The following CSF1 variants were observed in gnomAD, a reference collection of about 807,000 sequenced individuals.
CSF1 encodes macrophage colony-stimulating factor 1.
Under a neutral mutation model 48.9 loss-of-function variants are expected in CSF1, and 9 were observed. The observed-to-expected ratio is 0.18, with a 90% CI of 0.11 to 0.32. CSF1 has a LOEUF of 0.32. Among genes scored for constraint, CSF1 ranks in the 10% least tolerant of loss-of-function variants. CSF1 has a pLI of 1.00. For synonymous variants in CSF1, 305 were observed against 284.1 expected, an observed-to-expected ratio of 1.07 and a Z score of -0.74; for missense variants, 672 against 697.9, an observed-to-expected ratio of 0.96 and a Z score of 0.42.
chr1:109,916,168 C>T (rs1164804736), intron 3 of CSF1, among the ~76,000 whole-genome samples: 1 of 152,144 alleles, frequency 6.6e-6, no homozygotes, highest in Non-Finnish European at 1.5e-5. Flanking sequence ...GGACTTGCCC[C>T]ACACCCAACC....
chr1:109,923,238 C>G lies in CSF1; in HGVS notation c.617C>G (p.Ser206Cys), dbSNP rs1647646543. ...CCTAGCAGTGACCCGGCCTCTGTCT[C>G]CCCTCATCAGCCCCTCGCCCCCTCC... is the stretch of plus-strand genomic sequence containing the variant. ...AIPSSDPASVSPHQPLAPSMA... is the reference protein window; with the variant it reads ...AIPSSDPASVCPHQPLAPSMA... The change falls in exon 6 of 9, where the codon TCC becomes TGC. Residue 206 changes from serine to cysteine, a missense_variant. Ser to Cys is a moderately radical substitution (Grantham distance 112). Transcript: ENST00000329608. The G allele has an allele frequency of 1.3e-6, 2 of 1,583,470 alleles. No individual in the cohort carries two copies. Among genetic ancestry groups the G allele is most frequent in the Non-Finnish European group, 1.7e-6 (2 of 1,165,446 alleles).
At chr1:109,925,293 GC>G (rs1217253565) in intron 8 of CSF1, 91 bp downstream of exon 8, 2 of 1,055,072 alleles carry the variant, frequency 1.9e-6, no homozygotes, top group Non-Finnish European at 1.5e-6. Flanking sequence ...TTCCCCTGAG[GC>G]CCCCACACTG....
Position 109,924,033 on chromosome 1 carries a change from T to G in CSF1, c.1412T>G (p.Phe471Cys), listed in dbSNP as rs1256518084. 1.2e-6 allele frequency: 2 copies of G among 1,614,206 alleles called. No homozygotes were observed. Among genetic ancestry groups the G allele is most frequent in the Admixed American group, 3.3e-5 (2 of 60,032 alleles). The change falls in exon 6 of 9, where the codon TTT (phenylalanine) becomes TGT (cysteine). Residue 471 changes from phenylalanine to cysteine, a missense_variant. Phe to Cys is a radical substitution (Grantham distance 205). Around this residue, in one of 3 missense-constraint regions of CSF1, gnomAD observed 591 missense variants for 593.6 expected, o/e 1.00. Transcript: ENST00000329608. ...GGGGCAGCCAGGCCCCTGCCCCGTTTTAACTCCGTTCCTTTGACTGACACA... is the reference window on the plus strand; with the variant it reads ...GGGGCAGCCAGGCCCCTGCCCCGTTGTAACTCCGTTCCTTTGACTGACACA... Reference protein sequence around the residue: ...SEGAARPLPRFNSVPLTDTGH... With the variant: ...SEGAARPLPRCNSVPLTDTGH...
intron 3 of CSF1, 85 bp from the exon 4 acceptor site, chr1:109,917,208 C>A (rs1647259970): frequency 6.9e-7 from 1 of 1,441,694 alleles, no homozygotes. Context: ...AGGGGGAGAG[C>A]AAGCTGCAAC....
intron 8 of CSF1, among the ~76,000 whole-genome samples, chr1:109,928,636 G>A (rs1647940734): frequency 1.3e-5 from 2 of 152,074 alleles, no homozygotes; most frequent in Non-Finnish European, 2.9e-5. Context: ...GGAGGAGGTA[G>A]GAGGTGAGGC....
intron 1 of CSF1, among the ~76,000 whole-genome samples, chr1:109,911,389 G>A (rs1223915216): frequency 6.6e-6 from 1 of 152,200 alleles, no homozygotes; most frequent in Non-Finnish European, 1.5e-5. Context: ...CTCCCTACCC[G>A]CCACCACCAA....
rs1189815793 is a variant in CSF1, at chr1:109,929,327, G to A, written c.*489G>A. 6.5e-6 allele frequency: 1 copy of A among 152,800 alleles called. No homozygotes were observed. The highest frequency in any genetic ancestry group is 1.5e-5 in the Non-Finnish European group (1 of 68,168). The allele number at this position is 152,800 out of a possible 1,614,324, so 9.5% of individuals were successfully genotyped here. Reference sequence around the variant, plus strand: ...GACCTGTCTCCAGAGAGAGGAGCCTGAAGTTCGTGGGGCGGGACAGCGTCG... The same window carrying A: ...GACCTGTCTCCAGAGAGAGGAGCCTAAAGTTCGTGGGGCGGGACAGCGTCG... On this transcript the variant is annotated 3_prime_UTR_variant, in exon 9 of 9. Coordinates refer to ENST00000329608, the MANE Select transcript of CSF1 (RefSeq NM_000757.6).
chr1:109,927,900 C>G (rs1647909142), intron 8 of CSF1, among the ~76,000 whole-genome samples: 1 of 152,236 alleles, frequency 6.6e-6, no homozygotes, highest in Admixed American at 6.5e-5. Flanking sequence ...TCACTGGGTC[C>G]TTCTCCCCTC....
rs759383906 is a variant in CSF1, at chr1:109,923,742, G to T, written c.1121G>T (p.Arg374Met). The T allele has an allele frequency of 3.4e-5, 55 of 1,610,746 alleles. No homozygotes were observed. Among genetic ancestry groups the T allele is most frequent in the Non-Finnish European group, 4.5e-5 (53 of 1,178,302 alleles). Reference protein sequence around the residue: ...GTALPRVGPVRPTGQDWNHTP... With the variant: ...GTALPRVGPVMPTGQDWNHTP... ...GCCTTGCCCAGGGTGGGCCCCGTGA[G>T]GCCCACTGGCCAGGACTGGAATCAC... Residue 374 changes from arginine (R) to methionine (M), a missense_variant, in exon 6 of 9, where the codon AGG becomes ATG. By Grantham distance (91) the Arg-to-Met change is moderately conservative. Transcript: ENST00000329608.
At chr1:109,926,779 T>C (rs1647861153) in intron 8 of CSF1, 1 of 152,252 alleles carries the variant, frequency 6.6e-6, no homozygotes, top group South Asian at 2.1e-4. Context: ...TAAAATCTTA[T>C]TTTATATGTA....
chr1:109,923,930 C>G lies in CSF1; in HGVS notation c.1309C>G (p.Leu437Val), dbSNP rs750059483. The G allele has an allele frequency of 6.2e-6, 10 of 1,614,072 alleles. No homozygotes were observed. Among genetic ancestry groups the G allele is most frequent in the Non-Finnish European group, 8.5e-6 (10 of 1,180,000 alleles). ...CCACTCCTCGGGCAGCGTGCTGCCC[C>G]TTGGGGAGCTGGAGGGCAGGAGGAG... The part of the protein sequence containing the change: ...RSHSSGSVLP[L>V]GELEGRRSTR... The change falls in exon 6 of 9, where the codon CTT becomes GTT. Residue 437 changes from leucine to valine, a missense_variant. By Grantham distance (32) the Leu-to-Val change is conservative. Around this residue, in one of 3 missense-constraint regions of CSF1, gnomAD observed 591 missense variants for 593.6 expected, o/e 1.00. Coordinates refer to ENST00000329608, the MANE Select transcript of CSF1 (RefSeq NM_000757.6).
rs760872373 is a variant in CSF1, at chr1:109,917,456, A to G, written c.389A>G (p.His130Arg). 6.2e-7 allele frequency: 1 copy of G among 1,614,086 alleles called. No individual in the cohort carries two copies. The highest frequency in any genetic ancestry group is 1.1e-5 in the South Asian group (1 of 91,080). Residue 130 changes from histidine to arginine, a missense_variant, in exon 4 of 9, where the codon CAT becomes CGT. Around this residue, in one of 3 missense-constraint regions of CSF1, gnomAD observed 591 missense variants for 593.6 expected, o/e 1.00. Coordinates refer to ENST00000329608, the MANE Select transcript of CSF1 (RefSeq NM_000757.6). ...KSCFTKDYEE[H>R]DKACVRTFYE... ...TGCTTCACCAAGGATTATGAAGAGC[A>G]TGACAAGGTAGGAAGCCCTGAGGCC...
rs748611545 is a variant in CSF1 at position 109,921,882 on chromosome 1, G to A, written c.432G>A (p.Gln144=). The A allele has an allele frequency of 3.7e-6, 6 of 1,608,942 alleles. No individual in the cohort carries two copies. The highest frequency in any genetic ancestry group is 3.4e-5 in the Admixed American group (2 of 59,690). The change falls in exon 5 of 9, where the codon CAG becomes CAA. Residue 144 remains glutamine, a synonymous_variant. Coordinates refer to ENST00000329608, the MANE Select transcript of CSF1 (RefSeq NM_000757.6). ...CVRTFYETPL[Q]LLEKVKNVFN... ...GAACTTTCTATGAGACACCTCTCCA[G>A]TTGCTGGAGAAGGTCAAGAATGTCT...
At chr1:109,928,214 G>A (rs1000229088) in intron 8 of CSF1, among the ~76,000 whole-genome samples, 1 of 152,216 alleles carries the variant, frequency 6.6e-6, no homozygotes, top group African/African-American at 2.4e-5. Flanking sequence ...TGACTCCCAT[G>A]GATGATGCGG....
At chr1:109,919,847 TACTCGGGAGGCTG>T (rs1468074268) in intron 4 of CSF1, among the ~76,000 whole-genome samples, 1 of 151,882 alleles carries the variant, frequency 6.6e-6, no homozygotes, top group Admixed American at 6.6e-5. Context: ...TAATCCAAGC[TACTCGGGAGGCTG>T]AGGCAGTAGA....
At chr1:109,911,192 C>G (rs1412666937) in intron 1 of CSF1, 130 bp downstream of exon 1, 1 of 513,184 alleles carries the variant, frequency 1.9e-6, no homozygotes, top group Non-Finnish European at 2.5e-6. Context: ...GTTCCCGCCG[C>G]GGACGAACCG....
Position 109,930,312 on chromosome 1 carries a change from C to T in CSF1, c.*1474C>T, listed in dbSNP as rs1422636066. 6.6e-6 allele frequency: 1 copy of T among 152,300 alleles called. No homozygotes were observed. The highest frequency in any genetic ancestry group is 1.9e-4 in the East Asian group (1 of 5,192). The allele number at this position is 152,300 out of a possible 1,614,324, so 9.4% of individuals were successfully genotyped here. A position where few individuals can be genotyped will look rare whatever the true frequency, so the allele number is the denominator to read the frequency against. On this transcript the variant is annotated 3_prime_UTR_variant, in exon 9 of 9. Coordinates refer to ENST00000329608, the MANE Select transcript of CSF1 (RefSeq NM_000757.6). The stretch of plus-strand genomic sequence containing the variant: ...AATCAGGAGAGCCAGGCCTCAGCTT[C>T]CAATGCCTGGAGGGCCTCCACTTTG...
At chr1:109,915,132 C>T (rs1193241820) in intron 2 of CSF1, among the ~76,000 whole-genome samples, 3 of 152,294 alleles carry the variant, frequency 2.0e-5, no homozygotes, top group East Asian at 3.9e-4. Flanking sequence ...AGCACTACTT[C>T]TCCTGTATGT....
chr1:109,922,379 C>T (rs1000270428), intron 5 of CSF1: 1 of 174,646 alleles, frequency 5.7e-6, no homozygotes, highest in Non-Finnish European at 1.2e-5. Context: ...AGCTGACACC[C>T]ATCTGGGAGT....
Sources: allele counts gnomAD v4.1 joint callset (sites outside exome capture counted in the v4.1 genomes callset), GRCh38; gene constraint gnomAD v4.1.1; regional missense constraint gnomAD v4.1.1; transcripts MANE v1.5; gene names NCBI Gene and HGNC (gene_info 2026-07-23, HGNC 2026-07-21).